Variants in SNX3 observed in about 807,000 individuals in gnomAD.
SNX3 encodes the protein sorting nexin 3.
SNX3 carries 5 observed loss-of-function variants against 17.7 expected under a neutral mutation model. The observed-to-expected ratio is 0.28, with a 90% CI of 0.15 to 0.59. SNX3 has a LOEUF of 0.59. SNX3 is among the 20% of genes least tolerant of loss of function. The pLI is 0.88. For missense variants in SNX3, 132 were observed against 206.8 expected (o/e 0.64, Z 2.22); for synonymous variants, 91 against 76.5 (o/e 1.19, Z -0.99).
At chr6:108,233,674 G>A (rs1211945474) in intron 1 of SNX3, among the ~76,000 whole-genome samples, 4 of 152,084 alleles carry the variant, frequency 2.6e-5, no homozygotes, top group African/African-American at 7.2e-5. Context: ...GCTTGAGCCC[G>A]GGAGGCGGAG....
chr6:108,228,865 A>G lies in SNX3; in HGVS notation c.163-5820T>C, dbSNP rs567153057. 5.3e-5 allele frequency among the ~76,000 whole-genome samples: 8 copies of G among 152,340 alleles called. No individual in the cohort carries two copies. The South Asian group carries it at 1.2e-3, about 24-fold the overall frequency. On this transcript the variant is annotated intron_variant, in intron 1 of 3. Coordinates refer to ENST00000230085, the MANE Select transcript of SNX3 (RefSeq NM_003795.6). Reference sequence around the variant, plus strand: ...AAAAAAAAACCCCAAAAAAGACCAGAAACAATAAATCTTACATTACAAGCT... The same window carrying G: ...AAAAAAAAACCCCAAAAAAGACCAGGAACAATAAATCTTACATTACAAGCT...
At chr6:108,258,187 C>T (rs980531876) in intron 1 of SNX3, among the ~76,000 whole-genome samples, 13 of 151,172 alleles carry the variant, frequency 8.6e-5, no homozygotes, top group Non-Finnish European at 1.8e-4. Context: ...AGGCCAGGCG[C>T]GGTGGCTCAT....
At chr6:108,235,867 G>A (rs992638159) in intron 1 of SNX3, among the ~76,000 whole-genome samples, 5 of 152,088 alleles carry the variant, frequency 3.3e-5, no homozygotes, top group African/African-American at 7.2e-5. Flanking sequence ...CAGCCTCGGC[G>A]ACAGAGTGAG....
At chr6:108,238,462 C>A (rs761006041) in intron 1 of SNX3, among the ~76,000 whole-genome samples, 1 of 152,056 alleles carries the variant, frequency 6.6e-6, no homozygotes, top group Admixed American at 6.6e-5. Flanking sequence ...TACACCACTA[C>A]ATATCAAAAG....
intron 3 of SNX3, among the ~76,000 whole-genome samples, chr6:108,212,494 T>C (rs1000111234): frequency 6.6e-6 from 1 of 152,000 alleles, no homozygotes; most frequent in Admixed American, 6.5e-5. Flanking sequence ...TGTGCCATCA[T>C]GCCCAGCTAA....
chr6:108,222,107 T>C lies in SNX3; in HGVS notation c.258+843A>G, dbSNP rs1172580628. On this transcript the variant is annotated intron_variant, in intron 2 of 3. Coordinates refer to ENST00000230085, the MANE Select transcript of SNX3 (RefSeq NM_003795.6). ...ATGATCTGCATATTTTGTGCTCATA[T>C]GCAGCCACTTTTATCTTAGGCTAGA... 1.9e-5 allele frequency: 16 copies of C among 854,644 alleles called. No individual in the cohort carries two copies. The Admixed American group carries it at 5.3e-4, about 28-fold the overall frequency. The allele number at this position is 854,644 out of a possible 1,614,324, so 52.9% of individuals were successfully genotyped here.
At chr6:108,245,999 C>T (rs1398969180) in intron 1 of SNX3, among the ~76,000 whole-genome samples, 3 of 152,206 alleles carry the variant, frequency 2.0e-5, no homozygotes, top group Admixed American at 6.5e-5. Context: ...ATGTTTTAGA[C>T]ATGAAGTCCT....
chr6:108,221,532 CTTTTTTTTTTTTT>C (rs554429322), intron 2 of SNX3, among the ~76,000 whole-genome samples: 24 of 57,780 alleles, frequency 4.2e-4, no homozygotes, highest in South Asian at 1.9e-3. Flanking sequence ...CAGTATTACA[CTTTTTTTTTTTTT>C]TTTTTTTTTT....
rs868379238 is a variant in SNX3, at chr6:108,231,110, T to G, written c.163-8065A>C. 1.6e-4 allele frequency among the ~76,000 whole-genome samples: 22 copies of G among 133,776 alleles called. No homozygotes were observed. The East Asian group carries it at 1.7e-3, about 10-fold the overall frequency. The allele number at this position is 133,776 out of a possible 152,430, so 87.8% of individuals were successfully genotyped here. A position where few individuals can be genotyped will look rare whatever the true frequency, so the allele number is the denominator to read the frequency against. On this transcript the variant is annotated intron_variant, in intron 1 of 3. Transcript: ENST00000230085. ...AGGGATCCTCCCACCTCTGGTGGTG[T>G]TTTTTTTTTTTTTGAGACACAGTCT...
At chr6:108,235,201 A>C (rs766909879) in intron 1 of SNX3, among the ~76,000 whole-genome samples, 1 of 152,216 alleles carries the variant, frequency 6.6e-6, no homozygotes. Flanking sequence ...TTGTTCATAA[A>C]GACATTCTCT....
In SNX3 at chr6:108,220,507, T is replaced by C. The variant is rs140955790; in HGVS notation, c.258+2443A>G. 1.5e-3 allele frequency among the ~76,000 whole-genome samples: 227 copies of C among 152,308 alleles called. 1 individual carries two copies. Among genetic ancestry groups the C allele is most frequent in the African/African-American group, 5.4e-3 (223 of 41,576 alleles). On this transcript the variant is annotated intron_variant, in intron 2 of 3. Transcript: ENST00000230085. ...GGATAGGCTTGTAGTCTAGGAGTAA[T>C]AGGCTGTACCATATAGCCTAGGTGT...
intron 1 of SNX3, among the ~76,000 whole-genome samples, chr6:108,223,497 C>CTTTTTTTTTTTTTTTT (rs59920022): frequency 1.8e-5 from 2 of 110,370 alleles, no homozygotes; most frequent in African/African-American, 8.4e-5. Flanking sequence ...TTTGCTAGTT[C>CTTTTTTTTTTTTTTTT]TTTTTTTTTT....
Position 108,214,602 on chromosome 6 carries a change from A to G in SNX3, c.279T>C (p.Pro93=), listed in dbSNP as rs1273302697. The G allele has an allele frequency of 1.9e-6, 3 of 1,612,868 alleles. No individual in the cohort carries two copies. Among genetic ancestry groups the G allele is most frequent in the Admixed American group, 1.7e-5 (1 of 59,644 alleles). The part of the protein sequence containing the change: ...RESKVVVPPL[P]GKAFLRQLPF... ...GAAGCTGACGCAAAAACGCTTTCCCAGGGAGCGGGGGAACTACGACCTAAA... is the reference window on the plus strand; with the variant it reads ...GAAGCTGACGCAAAAACGCTTTCCCGGGGAGCGGGGGAACTACGACCTAAA... The change falls in exon 3 of 4, where the codon CCT becomes CCC. Residue 93 remains proline, a synonymous_variant. Coordinates refer to ENST00000230085, the MANE Select transcript of SNX3 (RefSeq NM_003795.6).
intron 1 of SNX3, among the ~76,000 whole-genome samples, chr6:108,232,782 A>C (rs185625847): frequency 9.8e-5 from 15 of 152,350 alleles, no homozygotes; most frequent in Non-Finnish European, 1.5e-5. Context: ...TCTAGAGATA[A>C]AAGATAAACT....
intron 1 of SNX3, among the ~76,000 whole-genome samples, chr6:108,238,120 A>AC (rs1434996648): frequency 2.1e-5 from 3 of 141,320 alleles, no homozygotes; most frequent in Non-Finnish European, 4.7e-5. Context: ...AAAAAAAAAA[A>AC]CAAACAAAAA....
chr6:108,219,748 T>TG (rs1774698376), intron 2 of SNX3, among the ~76,000 whole-genome samples: 3 of 152,242 alleles, frequency 2.0e-5, no homozygotes, highest in Admixed American at 6.5e-5. Flanking sequence ...ATTTTTGTTA[T>TG]GAACTAAATT....
At chr6:108,244,688 G>A (rs942847799) in intron 1 of SNX3, among the ~76,000 whole-genome samples, 1 of 141,906 alleles carries the variant, frequency 7.0e-6, no homozygotes, top group Non-Finnish European at 1.5e-5. Context: ...TTGTTGCCAG[G>A]CGGGAGTGCA....
At chr6:108,216,872 A>G (rs1774598839) in intron 2 of SNX3, among the ~76,000 whole-genome samples, 1 of 152,188 alleles carries the variant, frequency 6.6e-6, no homozygotes, top group South Asian at 2.1e-4. Flanking sequence ...CAGATGACCA[A>G]TGATGAAGAT....
At chr6:108,221,532 CT>C (rs554429322) in intron 2 of SNX3, among the ~76,000 whole-genome samples, 126 of 57,726 alleles carry the variant, frequency 2.2e-3, no homozygotes, top group East Asian at 5.0e-3. Context: ...CAGTATTACA[CT>C]TTTTTTTTTT....
Sources: gnomAD v4.1 joint callset for allele counts (sites outside exome capture counted in the v4.1 genomes callset) on GRCh38, gnomAD v4.1.1 for gene constraint, MANE v1.5 for transcripts, NCBI Gene and HGNC (gene_info 2026-07-23, HGNC 2026-07-21) for gene names.